PRKCH: variants seen among roughly 807,000 people sequenced by gnomAD.
PRKCH encodes protein kinase C eta type.
PRKCH carries 28 observed loss-of-function variants against 82.5 expected under a neutral mutation model. The ratio of observed to expected loss-of-function variants is 0.34; its 90% CI spans 0.25 to 0.47. PRKCH has a LOEUF of 0.47. PRKCH is among the 20% of genes least tolerant of loss of function. PRKCH has a pLI of 1.00. For synonymous variants in PRKCH, 322 were observed against 327.4 expected (o/e 0.98, Z 0.18); for missense variants, 705 against 881.8 (o/e 0.80, Z 2.54).
chr14:61,453,484 C>A (rs1297538088), intron 7 of PRKCH, 131 bp downstream of exon 7: 1 of 814,108 alleles, frequency 1.2e-6, no homozygotes, highest in African/African-American at 3.9e-5. Context: ...TATTGCCTTT[C>A]TTTCTTTCTT....
intron 3 of PRKCH, among the ~76,000 whole-genome samples, chr14:61,445,354 A>G (rs779467821): frequency 6.6e-6 from 1 of 152,208 alleles, no homozygotes; most frequent in Non-Finnish European, 1.5e-5. Context: ...TTTATGTGAG[A>G]GAGAATAAGG....
intron 9 of PRKCH, among the ~76,000 whole-genome samples, chr14:61,469,807 G>A (rs1401016589): frequency 6.6e-6 from 1 of 152,038 alleles, no homozygotes; most frequent in Non-Finnish European, 1.5e-5. Flanking sequence ...GTAGAGAGTT[G>A]TGCACTGGCA....
chr14:61,491,334 T>C (rs1004143144), intron 10 of PRKCH, among the ~76,000 whole-genome samples: 11 of 152,236 alleles, frequency 7.2e-5, no homozygotes, highest in African/African-American at 2.7e-4. Context: ...ATTTGCGTAC[T>C]GCAGAGACTA....
intron 2 of PRKCH, among the ~76,000 whole-genome samples, chr14:61,423,708 C>A (rs1275777653): frequency 6.6e-6 from 1 of 152,010 alleles, no homozygotes; most frequent in African/African-American, 2.4e-5. Flanking sequence ...AGTGCTGGTT[C>A]AGGATTGGGA....
rs571842881 is a variant in PRKCH, at chr14:61,242,542, C to T, written c.-19+54874C>T. Among the ~76,000 whole-genome samples, 35 of 152,252 alleles carry T rather than the reference C, an allele frequency of 2.3e-4. No homozygotes were observed. The South Asian group carries it at 6.2e-3, about 27-fold the overall frequency. The stretch of plus-strand genomic sequence containing the variant: ...CCTCCCAAGTAGCTGGGATTACAGG[C>T]GTCTGCCACCAGCCCAGCTAAGTTT... On this transcript the variant is annotated intron_variant, in intron 1 of 3. Coordinates refer to the PRKCH transcript ENST00000555185.
intron 1 of PRKCH, among the ~76,000 whole-genome samples, chr14:61,202,130 G>T (rs966816894): frequency 6.6e-6 from 1 of 152,162 alleles, no homozygotes; most frequent in African/African-American, 2.4e-5. Flanking sequence ...CCAAAGGCTG[G>T]AACCACAGCC....
intron 1 of PRKCH, among the ~76,000 whole-genome samples, chr14:61,325,511 T>G (rs1474323851): frequency 2.6e-5 from 4 of 152,212 alleles, no homozygotes; most frequent in Non-Finnish European, 4.4e-5. Context: ...AGTTTAACTG[T>G]GAAACTTCTA....
chr14:61,226,385 A>G (rs1291670341), intron 1 of PRKCH, among the ~76,000 whole-genome samples: 1 of 152,194 alleles, frequency 6.6e-6, no homozygotes, highest in African/African-American at 2.4e-5. Context: ...GCAAGTCATC[A>G]TTTCTCTAAC....
At position 61,263,847 on chromosome 14, in the gene PRKCH, T is replaced by TTGTGTGTGTGTGTGTG. The variant is rs56280986; in HGVS notation, c.-19+76213_-19+76228dup. On this transcript the variant is annotated intron_variant, in intron 1 of 3. Coordinates refer to the PRKCH transcript ENST00000555185. ...AGGAAAAGCATCTGAAGTCAGAGTATTGTGTGTGTGTGTGTGTGTGTGTGT... is the reference window on the plus strand; with the variant it reads ...AGGAAAAGCATCTGAAGTCAGAGTATTGTGTGTGTGTGTGTGTGTGTGTGTGTGTGTGTGTGTGTGT... 4.7e-4 allele frequency among the ~76,000 whole-genome samples: 68 copies of TTGTGTGTGTGTGTGTG among 144,290 alleles called. 1 individual carries two copies. The highest frequency in any genetic ancestry group is 7.4e-4 in the Non-Finnish European group (49 of 66,452). 94.7% of individuals were successfully genotyped at this position (144,290 alleles called of 152,430 possible).
intron 10 of PRKCH, among the ~76,000 whole-genome samples, chr14:61,513,190 A>G (rs1241741203): frequency 6.6e-6 from 1 of 152,130 alleles, no homozygotes; most frequent in Non-Finnish European, 1.5e-5. Flanking sequence ...TTTACACTTT[A>G]CACTCAAGGG....
chr14:61,460,123 A>C (rs571103953), intron 9 of PRKCH, among the ~76,000 whole-genome samples: 3 of 152,346 alleles, frequency 2.0e-5, no homozygotes, highest in Non-Finnish European at 4.4e-5. Flanking sequence ...CTGGGATTAC[A>C]GGCGTGAGCC....
chr14:61,206,494 T>C (rs556930718), intron 1 of PRKCH, among the ~76,000 whole-genome samples: 1 of 152,284 alleles, frequency 6.6e-6, no homozygotes, highest in South Asian at 2.1e-4. Flanking sequence ...CAAGACCCTA[T>C]CTCCAAATAA....
chr14:61,244,892 T>C (rs2044867382), intron 1 of PRKCH, among the ~76,000 whole-genome samples: 1 of 152,236 alleles, frequency 6.6e-6, no homozygotes, highest in Admixed American at 6.5e-5. Flanking sequence ...TTGAGGCTTA[T>C]GGTTATCCTA....
At chr14:61,517,335 C>T (rs1207653041) in intron 10 of PRKCH, among the ~76,000 whole-genome samples, 3 of 152,214 alleles carry the variant, frequency 2.0e-5, no homozygotes, top group Non-Finnish European at 2.9e-5. Context: ...AAAGTTCCAA[C>T]GCTGGCAAAG....
At chr14:61,309,842 T>C (rs2045507595) in intron 1 of PRKCH, among the ~76,000 whole-genome samples, 1 of 152,142 alleles carries the variant, frequency 6.6e-6, no homozygotes. Flanking sequence ...GAAGAAAAGA[T>C]GTTTAATTGA....
intron 1 of PRKCH, among the ~76,000 whole-genome samples, chr14:61,370,200 C>T (rs927773943): frequency 1.1e-4 from 17 of 152,136 alleles, no homozygotes; most frequent in Non-Finnish European, 2.2e-4. Context: ...GCCTCGGCCT[C>T]CCAAAGCGTT....
chr14:61,207,474 GCC>G (rs2044535981), intron 1 of PRKCH, among the ~76,000 whole-genome samples: 1 of 152,114 alleles, frequency 6.6e-6, no homozygotes, highest in Non-Finnish European at 1.5e-5. Context: ...GATGTTTTCT[GCC>G]CATACCACCC....
chr14:61,263,785 C>T (rs2045070835), intron 1 of PRKCH, among the ~76,000 whole-genome samples: 1 of 151,498 alleles, frequency 6.6e-6, no homozygotes, highest in Non-Finnish European at 1.5e-5. Flanking sequence ...AGGGTCAAGT[C>T]CTCTAAAATT....
chr14:61,496,579 A>G (rs931566757), intron 10 of PRKCH, among the ~76,000 whole-genome samples: 3 of 152,162 alleles, frequency 2.0e-5, no homozygotes, highest in African/African-American at 7.2e-5. Flanking sequence ...CATCTAGGTT[A>G]GGTGCCCCCT....
Sources: allele counts gnomAD v4.1 joint callset (sites outside exome capture counted in the v4.1 genomes callset), GRCh38; gene constraint gnomAD v4.1.1; transcripts MANE v1.5; gene names NCBI Gene and HGNC (gene_info 2026-07-23, HGNC 2026-07-21).